WNT9B: variants seen among roughly 807,000 people sequenced by gnomAD.
WNT9B encodes Wnt family member 9B.
In WNT9B, 12 loss-of-function variants were observed where a neutral mutation model predicts 30.2. The observed-to-expected ratio is 0.40, with a 90% CI of 0.26 to 0.64. The LOEUF (loss-of-function observed/expected upper bound fraction) is 0.64. Ranked by LOEUF, WNT9B falls within the 30% of genes least tolerant of loss-of-function variation. WNT9B has a pLI of 0.42. For synonymous variants in WNT9B, 218 were observed against 216.9 expected, an observed-to-expected ratio of 1.01 and a Z score of -0.05; for missense variants, 442 against 485.2, an observed-to-expected ratio of 0.91 and a Z score of 0.84.
intron 1 of WNT9B, among the ~76,000 whole-genome samples, chr17:46,853,832 G>C (rs1310650078): frequency 6.6e-6 from 1 of 152,156 alleles, no homozygotes; most frequent in Non-Finnish European, 1.5e-5. Flanking sequence ...GTTAGAGATG[G>C]GGCAAGAGTC....
upstream of WNT9B, among the ~76,000 whole-genome samples, chr17:46,851,392 G>T (rs1391325772): frequency 2.0e-5 from 3 of 151,410 alleles, no homozygotes; most frequent in African/African-American, 7.3e-5. The surrounding 1 kb of genome is among the most constrained non-coding windows in gnomAD (Gnocchi z 4.3). Flanking sequence ...CGGAGGGCGG[G>T]GCAATGGGGG....
At chr17:46,869,464 C>T (rs1271160954) in intron 1 of WNT9B, among the ~76,000 whole-genome samples, 1 of 152,136 alleles carries the variant, frequency 6.6e-6, no homozygotes, top group East Asian at 1.9e-4. Flanking sequence ...TGCTGGGCAG[C>T]GTCCCTGGTC....
At chr17:46,857,298 A>G (rs895659348) in intron 1 of WNT9B, among the ~76,000 whole-genome samples, 8 of 151,934 alleles carry the variant, frequency 5.3e-5, no homozygotes, top group Non-Finnish European at 8.8e-5. Context: ...GTGAAAACCC[A>G]TCTCTACTAA....
chr17:46,878,137 T>A lies in WNT9B; in HGVS notation c.*1419T>A, dbSNP rs1437951660. Among the ~76,000 whole-genome samples the A allele has an allele frequency of 6.6e-6, 1 of 152,206 alleles. No homozygotes were observed. Among genetic ancestry groups the A allele is most frequent in the Non-Finnish European group, 1.5e-5 (1 of 68,024 alleles). On this transcript the variant is annotated 3_prime_UTR_variant, in exon 4 of 4. Coordinates refer to ENST00000290015, the MANE Select transcript of WNT9B (RefSeq NM_003396.3). Reference sequence around the variant, plus strand: ...TGCAGGGGTCCCCTTGCTGGAGGCATTGTACTTCCCCAGAGTGGGGCCCGA... The same window carrying A: ...TGCAGGGGTCCCCTTGCTGGAGGCAATGTACTTCCCCAGAGTGGGGCCCGA...
At chr17:46,860,359 G>T (rs540148746) in intron 1 of WNT9B, among the ~76,000 whole-genome samples, 13 of 152,152 alleles carry the variant, frequency 8.5e-5, no homozygotes, top group Non-Finnish European at 1.6e-4. Flanking sequence ...GGTGGGCCAG[G>T]TGCTGTGAGG....
chr17:46,883,117 T>A (rs2146625917), downstream of WNT9B, among the ~76,000 whole-genome samples: 1 of 151,974 alleles, frequency 6.6e-6, no homozygotes, highest in Non-Finnish European at 1.5e-5. Context: ...TAGCTGGGAC[T>A]CCAGGTGCCC....
chr17:46,878,818 C>T lies in WNT9B; in HGVS notation c.*2100C>T, dbSNP rs1445048855. Among the ~76,000 whole-genome samples the T allele has an allele frequency of 6.6e-6, 1 of 152,230 alleles. No homozygotes were observed. Among genetic ancestry groups the T allele is most frequent in the Non-Finnish European group, 1.5e-5 (1 of 68,038 alleles). ...GCCAGGGTCGTGGGAGGGCAAAGGG[C>T]AGGCTCTAAGGCATCTAGGCAGTGG... On this transcript the variant is annotated 3_prime_UTR_variant, in exon 4 of 4. Coordinates refer to ENST00000290015, the MANE Select transcript of WNT9B (RefSeq NM_003396.3).
chr17:46,833,356 G>A (rs774367081), exon 1 of WNT9B: 7 of 518,268 alleles, frequency 1.4e-5, no homozygotes, highest in African/African-American at 5.8e-5. Flanking sequence ...ATGAAAGGAC[G>A]GGCAGTTTCT....
intron 1 of WNT9B, among the ~76,000 whole-genome samples, chr17:46,865,154 G>A (rs1355921977): frequency 6.6e-6 from 1 of 152,190 alleles, no homozygotes; most frequent in African/African-American, 2.4e-5. Flanking sequence ...AGTGGAGAGG[G>A]AGAGAGACAG....
chr17:46,861,464 A>G (rs756441503), intron 1 of WNT9B, among the ~76,000 whole-genome samples: 30 of 151,950 alleles, frequency 2.0e-4, no homozygotes, highest in Non-Finnish European at 3.8e-4. Flanking sequence ...TTCTGCCTCC[A>G]TGGGCTCTCT....
At chr17:46,863,886 TG>T (rs577213962) in intron 1 of WNT9B, among the ~76,000 whole-genome samples, 92 of 152,210 alleles carry the variant, frequency 6.0e-4, no homozygotes, top group African/African-American at 2.1e-3. Context: ...TGGACTACTC[TG>T]GGGGTGGATC....
At chr17:46,839,457 G>A (rs758719179) in intron 1 of WNT9B, among the ~76,000 whole-genome samples, 11 of 152,218 alleles carry the variant, frequency 7.2e-5, no homozygotes, top group Non-Finnish European at 1.5e-4. Flanking sequence ...CCCCAAAGCT[G>A]TATGGCTGTG....
At chr17:46,848,178 G>A (rs950196814), upstream of WNT9B, among the ~76,000 whole-genome samples, 1 of 152,196 alleles carries the variant, frequency 6.6e-6, no homozygotes, top group African/African-American at 2.4e-5. Context: ...ACACCCATGG[G>A]GGAACAGTGG....
rs931461294 is a variant in WNT9B, at chr17:46,880,074, G to A, written c.*3356G>A. ...GGCTGCTTTTGCAAAAGTCAGCTGC[G>A]CTGGCAGACTGGGCCTGCATGTCCT... On this transcript the variant is annotated 3_prime_UTR_variant, in exon 4 of 4. Transcript: ENST00000290015. Among the ~76,000 whole-genome samples, 7 of 152,192 alleles carry A rather than the reference G, an allele frequency of 4.6e-5. No individual in the cohort carries two copies. Among genetic ancestry groups the A allele is most frequent in the South Asian group, 2.1e-4 (1 of 4,834 alleles).
At chr17:46,847,412 G>A (rs965638662), upstream of WNT9B, among the ~76,000 whole-genome samples, 4 of 152,234 alleles carry the variant, frequency 2.6e-5, no homozygotes, top group African/African-American at 9.6e-5. Flanking sequence ...CTACCTCACA[G>A]TGCTCCAGAG....
At chr17:46,867,600 A>G (rs1184401279) in intron 1 of WNT9B, among the ~76,000 whole-genome samples, 1 of 152,208 alleles carries the variant, frequency 6.6e-6, no homozygotes, top group Non-Finnish European at 1.5e-5. Flanking sequence ...CGGTGGACAG[A>G]GCAGTCTCCT....
At chr17:46,886,280 A>G (rs967431025) in exon 5 of WNT9B, 1 of 152,270 alleles carries the variant, frequency 6.6e-6, no homozygotes, top group Non-Finnish European at 1.5e-5. Flanking sequence ...TACTGCAGGC[A>G]TAAACCTATA....
chr17:46,836,840 T>C (rs2084637860), intron 1 of WNT9B, among the ~76,000 whole-genome samples: 1 of 152,238 alleles, frequency 6.6e-6, no homozygotes, highest in East Asian at 1.9e-4. Context: ...TTTAAAAAGC[T>C]AGATGTGTGA....
Position 46,837,705 on chromosome 17 carries a change from G to A in WNT9B, c.95+4265G>A, listed in dbSNP as rs948290137. 8.5e-5 allele frequency among the ~76,000 whole-genome samples: 13 copies of A among 152,274 alleles called. No individual in the cohort carries two copies. The South Asian group carries it at 2.3e-3, about 27-fold the overall frequency. ...TGCCCCTGCTGGGAATGTGCCTGGG[G>A]GAAGGTTTGGAGGGATGGCTCATGG... On this transcript the variant is annotated intron_variant, in intron 1 of 2. Coordinates refer to the WNT9B transcript ENST00000575372.
Sources: allele counts gnomAD v4.1 joint callset (sites outside exome capture counted in the v4.1 genomes callset), GRCh38; gene constraint gnomAD v4.1.1; non-coding constraint Gnocchi (gnomAD v3.1); transcripts MANE v1.5; gene names NCBI Gene and HGNC (gene_info 2026-07-23, HGNC 2026-07-21).